The following SNX18 variants were observed in gnomAD, a reference collection of about 807,000 sequenced individuals.
SNX18 encodes sorting nexin 18, also known as sorting nexin-18.
In SNX18, 35 loss-of-function variants were observed where a neutral mutation model predicts 48.7. The observed-to-expected ratio is 0.72, with a 90% CI of 0.55 to 0.95. The LOEUF (loss-of-function observed/expected upper bound fraction) is 0.95. Ranked by LOEUF, SNX18 falls within the 40% of genes least tolerant of loss-of-function variation. The pLI, the probability that SNX18 is intolerant of heterozygous loss-of-function variation, is 0.00. For missense variants in SNX18, 824 were observed against 871.0 expected (o/e 0.95, Z 0.68); for synonymous variants, 492 against 384.7 (o/e 1.28, Z -3.26).
the SNX18 span, among the ~76,000 whole-genome samples, chr5:54,612,434 T>A: frequency 6.6e-6 from 1 of 151,940 alleles, no homozygotes; most frequent in African/African-American, 2.4e-5. Context: ...ACTTTTTTTG[T>A]GTGTATTTTT....
At chr5:54,647,182 G>C in the SNX18 span, among the ~76,000 whole-genome samples, 1 of 152,192 alleles carries the variant, frequency 6.6e-6, no homozygotes, top group Admixed American at 6.5e-5. Flanking sequence ...ATTTACATCT[G>C]TATTTATTCA....
the SNX18 span, among the ~76,000 whole-genome samples, chr5:54,620,627 C>T: frequency 6.6e-5 from 10 of 152,136 alleles, no homozygotes; most frequent in African/African-American, 1.9e-4. Flanking sequence ...GAGGCGTTGC[C>T]GTGGAGGAGG....
chr5:54,535,946 A>C (rs1261701313), intron 1 of SNX18, among the ~76,000 whole-genome samples: 1 of 152,154 alleles, frequency 6.6e-6, no homozygotes, highest in East Asian at 1.9e-4. Context: ...TCCTGAGTGC[A>C]CTTTCTGTCC....
the SNX18 span, among the ~76,000 whole-genome samples, chr5:54,589,471 G>A: frequency 6.6e-6 from 1 of 152,306 alleles, no homozygotes; most frequent in South Asian, 2.1e-4. Flanking sequence ...GAACATTAAA[G>A]AAGTGGGGTA....
the SNX18 span, among the ~76,000 whole-genome samples, chr5:54,582,650 G>T: frequency 6.6e-6 from 1 of 151,994 alleles, no homozygotes; most frequent in Admixed American, 6.6e-5. Context: ...ACATTAACCA[G>T]GCATGCTGGT....
the SNX18 span, among the ~76,000 whole-genome samples, chr5:54,606,001 A>G: frequency 6.6e-6 from 1 of 152,254 alleles, no homozygotes; most frequent in Admixed American, 6.5e-5. Context: ...CCACTTTTTA[A>G]CAGTCATTTC....
At chr5:54,565,285 A>G in the SNX18 span, among the ~76,000 whole-genome samples, 1 of 152,198 alleles carries the variant, frequency 6.6e-6, no homozygotes, top group Non-Finnish European at 1.5e-5. Context: ...TTCTGCTTCT[A>G]GGAGTCCATC....
At chr5:54,593,048 G>A in the SNX18 span, among the ~76,000 whole-genome samples, 9 of 152,070 alleles carry the variant, frequency 5.9e-5, no homozygotes, top group East Asian at 1.9e-4. Flanking sequence ...TGATCCACAC[G>A]CCTCAGCCTC....
rs775626609 is a variant in SNX18 at position 54,517,932 on chromosome 5, G to A, written c.-21G>A. On this transcript the variant is annotated 5_prime_UTR_variant, in exon 1 of 2. Transcript: ENST00000381410. ...GCTCGGGACGCCGGGAGTCGGGACC[G>A]CCAGTCGGGGCGCCGGGACCATGGC... The A allele has an allele frequency of 2.0e-6, 3 of 1,493,034 alleles. No individual in the cohort carries two copies. Among genetic ancestry groups the A allele is most frequent in the Non-Finnish European group, 2.7e-6 (3 of 1,125,542 alleles). 92.5% of individuals were successfully genotyped at this position (1,493,034 alleles called of 1,614,324 possible).
the SNX18 span, among the ~76,000 whole-genome samples, chr5:54,635,294 C>T: frequency 6.6e-6 from 1 of 151,670 alleles, no homozygotes; most frequent in Admixed American, 6.6e-5. Flanking sequence ...CTTTCTTAGT[C>T]TTTAGCAGAG....
the SNX18 span, among the ~76,000 whole-genome samples, chr5:54,612,686 G>C: frequency 6.6e-6 from 1 of 152,188 alleles, no homozygotes; most frequent in Non-Finnish European, 1.5e-5. Context: ...TGGTGCAGCT[G>C]ATCTGTTTTC....
chr5:54,603,164 A>AT, the SNX18 span, among the ~76,000 whole-genome samples: 3 of 151,130 alleles, frequency 2.0e-5, no homozygotes, highest in Non-Finnish European at 4.4e-5. Flanking sequence ...GGTTGTAAAT[A>AT]TATTATTATT....
the SNX18 span, among the ~76,000 whole-genome samples, chr5:54,577,191 G>A: frequency 6.6e-6 from 1 of 152,092 alleles, no homozygotes; most frequent in Non-Finnish European, 1.5e-5. Flanking sequence ...TTTTAGCCAT[G>A]ACACCTTGGC....
intron 1 of SNX18, among the ~76,000 whole-genome samples, chr5:54,540,674 T>C (rs1166320100): frequency 1.3e-5 from 2 of 152,214 alleles, no homozygotes; most frequent in African/African-American, 4.8e-5. Flanking sequence ...TCAGAGCTTC[T>C]CTATACTGGA....
chr5:54,523,867 G>C (rs997373871), intron 1 of SNX18, among the ~76,000 whole-genome samples: 1 of 152,200 alleles, frequency 6.6e-6, no homozygotes, highest in Admixed American at 6.5e-5. Flanking sequence ...GGGCCACACG[G>C]AGACCCTTCC....
chr5:54,544,645 C>CCCCT lies in SNX18; in HGVS notation c.*1215_*1216insCTCC, dbSNP rs1762544683. 2 of 137,774 alleles carry CCCCT rather than the reference C, an allele frequency of 1.5e-5. No individual in the cohort carries two copies. Among genetic ancestry groups the CCCCT allele is most frequent in the Non-Finnish European group, 3.1e-5 (2 of 64,568 alleles). The allele number at this position is 137,774 out of a possible 1,614,324, so 8.5% of individuals were successfully genotyped here. A position where few individuals can be genotyped will look rare whatever the true frequency, so the allele number is the denominator to read the frequency against. ...AAAAGGTATTGATGAGCCCCCCCCC[C>CCCCT]CCAGGACATTTAACCTTAAAATTTA... On this transcript the variant is annotated 3_prime_UTR_variant, in exon 2 of 2. Transcript: ENST00000381410.
At chr5:54,646,166 T>C in the SNX18 span, among the ~76,000 whole-genome samples, 1 of 152,196 alleles carries the variant, frequency 6.6e-6, no homozygotes, top group Non-Finnish European at 1.5e-5. Flanking sequence ...CCAAGAAGAC[T>C]TTTTTTCTCC....
chr5:54,542,274 G>A (rs962484225), intron 1 of SNX18, among the ~76,000 whole-genome samples: 2 of 152,138 alleles, frequency 1.3e-5, no homozygotes, highest in African/African-American at 2.4e-5. Flanking sequence ...GGCACCTGCC[G>A]GAGTGGTCAA....
chr5:54,620,428 G>T, the SNX18 span, among the ~76,000 whole-genome samples: 1 of 152,214 alleles, frequency 6.6e-6, no homozygotes, highest in Non-Finnish European at 1.5e-5. Flanking sequence ...TGTCAGTTGA[G>T]TGAATATGCT....
Sources: gnomAD v4.1 joint callset for allele counts (sites outside exome capture counted in the v4.1 genomes callset) on GRCh38, gnomAD v4.1.1 for gene constraint, MANE v1.5 for transcripts, NCBI Gene and HGNC (gene_info 2026-07-23, HGNC 2026-07-21) for gene names.